MPHOSPH10: variants seen among roughly 807,000 people sequenced by gnomAD.
MPHOSPH10 encodes M-phase phosphoprotein 10.
MPHOSPH10 carries 33 observed loss-of-function variants against 77.3 expected under a neutral mutation model. The observed-to-expected ratio is 0.43, with a 90% CI of 0.32 to 0.57. MPHOSPH10 has a LOEUF of 0.57. Among genes scored for constraint, MPHOSPH10 ranks in the 20% least tolerant of loss-of-function variants. MPHOSPH10 has a pLI of 0.07. For synonymous variants in MPHOSPH10, 245 were observed against 268.0 expected, an observed-to-expected ratio of 0.91 and a Z score of 0.84; for missense variants, 708 against 780.1, an observed-to-expected ratio of 0.91 and a Z score of 1.10.
chr2:71,145,168 T>C (rs1009984657), intron 8 of MPHOSPH10, among the ~76,000 whole-genome samples: 2 of 152,210 alleles, frequency 1.3e-5, no homozygotes, highest in East Asian at 3.9e-4. Context: ...TACCTGTCTA[T>C]TCCTTGGAGC....
At chr2:71,130,886 G>C (rs1181869312) in intron 1 of MPHOSPH10, 132 bp downstream of exon 1, 1 of 818,432 alleles carries the variant, frequency 1.2e-6, no homozygotes, top group African/African-American at 1.7e-5. Context: ...AAATTTCAGA[G>C]TTTATGCTTT....
intron 5 of MPHOSPH10, 62 bp from the exon 6 acceptor site, chr2:71,139,733 C>A: frequency 8.5e-7 from 1 of 1,180,712 alleles, no homozygotes; most frequent in Non-Finnish European, 1.2e-6. Flanking sequence ...GGTCCAAGGA[C>A]TGCACTGAAT....
rs370917892 is a variant in MPHOSPH10 at position 71,141,250 on chromosome 2, C to T, written c.1327C>T (p.Arg443Cys). The change falls in exon 7 of 11, where the codon CGT (arginine) becomes TGT (cysteine). Residue 443 changes from arginine to cysteine, a missense_variant. Arg to Cys is a radical substitution (Grantham distance 180, BLOSUM62 -3). Transcript: ENST00000244230. ...IRDQAWDDVV[R>C]KEKPKEDAYE... Reference sequence around the variant, plus strand: ...GTTTCAGGCTTGGGATGATGTAGTACGTAAAGAAAAACCTAAAGAGGATGC... The same window carrying T: ...GTTTCAGGCTTGGGATGATGTAGTATGTAAAGAAAAACCTAAAGAGGATGC... 118 of 1,522,314 alleles carry T rather than the reference C, an allele frequency of 7.8e-5. No homozygotes were observed. The highest frequency in any genetic ancestry group is 5.2e-4 in the Middle Eastern group (3 of 5,790). The allele number at this position is 1,522,314 out of a possible 1,614,324, so 94.3% of individuals were successfully genotyped here.
intron 7 of MPHOSPH10, among the ~76,000 whole-genome samples, chr2:71,143,646 C>T (rs1673654093): frequency 6.6e-6 from 1 of 152,162 alleles, no homozygotes; most frequent in Admixed American, 6.6e-5. Flanking sequence ...CCCCAACAAA[C>T]CCCAGTCTGC....
chr2:71,140,306 G>A (rs1673587446), intron 6 of MPHOSPH10, among the ~76,000 whole-genome samples: 1 of 152,148 alleles, frequency 6.6e-6, no homozygotes, highest in Non-Finnish European at 1.5e-5. Context: ...CAAGGTCGAG[G>A]GGCCTTCTTA....
In MPHOSPH10 at chr2:71,149,427, A is replaced by C. The variant is rs1445437724; in HGVS notation, c.1870A>C (p.Lys624Gln). ...TTCGGAGAAGTTAAAACAGCTGACCAAAACTGGCAAAGCTTCCTTCATAAA... is the reference window on the plus strand; with the variant it reads ...TTCGGAGAAGTTAAAACAGCTGACCCAAACTGGCAAAGCTTCCTTCATAAA... ...VASEKLKQLT[K>Q]TGKASFIKDE... The change falls in exon 10 of 11, where the codon AAA becomes CAA. Residue 624 changes from lysine to glutamine, a missense_variant. Around this residue, in one of 3 missense-constraint regions of MPHOSPH10, gnomAD observed 263 missense variants for 320.0 expected, o/e 0.82. Coordinates refer to ENST00000244230, the MANE Select transcript of MPHOSPH10 (RefSeq NM_005791.3). The C allele has an allele frequency of 5.0e-6, 8 of 1,613,810 alleles. No homozygotes were observed. In the Admixed American group the frequency reaches 1.3e-4, roughly 27 times the overall value.
intron 4 of MPHOSPH10, among the ~76,000 whole-genome samples, chr2:71,135,559 A>T (rs1172635289): frequency 6.6e-6 from 1 of 152,004 alleles, no homozygotes; most frequent in East Asian, 1.9e-4. Context: ...AAATAAAAAA[A>T]TTTTTAAAGA....
At chr2:71,142,259 C>T (rs1163478946) in intron 7 of MPHOSPH10, among the ~76,000 whole-genome samples, 1 of 152,088 alleles carries the variant, frequency 6.6e-6, no homozygotes, top group Admixed American at 6.5e-5. Flanking sequence ...AGCAAATTGC[C>T]CTGATGCCAC....
rs116736003 is a variant in MPHOSPH10 at position 71,135,073 on chromosome 2, G to A, written c.1098+276G>A. Among the ~76,000 whole-genome samples, 3,126 of 152,278 alleles carry A rather than the reference G, an allele frequency of 0.021. 92 individuals are homozygous for A. Among genetic ancestry groups the A allele is most frequent in the African/African-American group, 0.063 (2,619 of 41,544 alleles). On this transcript the variant is annotated intron_variant, in intron 4 of 10. Coordinates refer to ENST00000244230, the MANE Select transcript of MPHOSPH10 (RefSeq NM_005791.3). ...TCCAGCTACTCTGGTGTCTGAGGTGGGAGGATCACTTGAGCCTAGGAGGTT... is the reference window on the plus strand; with the variant it reads ...TCCAGCTACTCTGGTGTCTGAGGTGAGAGGATCACTTGAGCCTAGGAGGTT...
At chr2:71,141,209 T>C (rs767737486) in intron 6 of MPHOSPH10, 23 bp from the exon 7 acceptor site, 1 of 1,365,370 alleles carries the variant, frequency 7.3e-7, no homozygotes, top group Non-Finnish European at 9.5e-7. Flanking sequence ...TTTGTTATGT[T>C]CTACCTGCAC....
In MPHOSPH10 at chr2:71,149,410, A is replaced by C. The variant is rs754740357; in HGVS notation, c.1853A>C (p.Lys618Thr). The C allele has an allele frequency of 1.2e-6, 2 of 1,614,148 alleles. No homozygotes were observed. The highest frequency in any genetic ancestry group is 1.6e-4 in the Middle Eastern group (1 of 6,062). The change falls in exon 10 of 11, where the codon AAG (lysine) becomes ACG (threonine). Residue 618 changes from lysine (K) to threonine (T), a missense_variant. Lys to Thr is a moderately conservative substitution (Grantham distance 78, BLOSUM62 -1). Coordinates refer to ENST00000244230, the MANE Select transcript of MPHOSPH10 (RefSeq NM_005791.3). ...TACAGCAAAACAGTAGCTTCGGAGA[A>C]GTTAAAACAGCTGACCAAAACTGGC... ...GKYSKTVASE[K>T]LKQLTKTGKA...
At chr2:71,147,280 A>G (rs1673733505) in intron 8 of MPHOSPH10, among the ~76,000 whole-genome samples, 3 of 152,232 alleles carry the variant, frequency 2.0e-5, no homozygotes, top group Admixed American at 6.5e-5. Context: ...ACCAAACAGC[A>G]TTAATGGTTG....
chr2:71,133,425 A>G lies in MPHOSPH10; in HGVS notation c.617A>G (p.Lys206Arg). The G allele has an allele frequency of 6.2e-7, 1 of 1,614,164 alleles. No individual in the cohort carries two copies. Among genetic ancestry groups the G allele is most frequent in the Non-Finnish European group, 8.5e-7 (1 of 1,180,008 alleles). Residue 206 changes from lysine (K) to arginine (R), a missense_variant, in exon 2 of 11, where the codon AAA (lysine) becomes AGA (arginine). Lys to Arg is a conservative substitution (Grantham distance 26). This residue lies in a region of MPHOSPH10 where 433 missense variants were observed against 432.6 expected (regional missense o/e 1.00). Transcript: ENST00000244230. ...EKSIVDDKFF[K>R]LSEMEAYLEN... ...TCCATAGTAGATGATAAATTCTTCA[A>G]ACTCTCTGAAATGGAGGCCTATTTA...
chr2:71,138,930 A>C, intron 5 of MPHOSPH10: 1 of 579,846 alleles, frequency 1.7e-6, no homozygotes, highest in Non-Finnish European at 3.1e-6. Flanking sequence ...TCTACTCGGA[A>C]GGCTGAGGCA....
intron 2 of MPHOSPH10, among the ~76,000 whole-genome samples, 154 bp from the exon 3 acceptor site, chr2:71,133,794 T>C (rs1673434133): frequency 6.6e-6 from 1 of 152,202 alleles, no homozygotes; most frequent in Non-Finnish European, 1.5e-5. Context: ...CACCTAATAA[T>C]TATTTAGTTA....
intron 4 of MPHOSPH10, among the ~76,000 whole-genome samples, chr2:71,136,629 C>T (rs1187258293): frequency 6.6e-6 from 1 of 151,802 alleles, no homozygotes; most frequent in African/African-American, 2.4e-5. Context: ...CAGATTGTCC[C>T]CAGAAGATAG....
chr2:71,134,199 T>C, intron 3 of MPHOSPH10, 94 bp downstream of exon 3: 1 of 1,255,174 alleles, frequency 8.0e-7, no homozygotes, highest in Admixed American at 2.5e-5. Flanking sequence ...TCTTAGCAAG[T>C]TCTATTCTCT....
intron 7 of MPHOSPH10, among the ~76,000 whole-genome samples, chr2:71,142,602 G>A (rs536636648): frequency 1.3e-5 from 2 of 152,324 alleles, no homozygotes; most frequent in African/African-American, 4.8e-5. Context: ...ACTCACATTT[G>A]TGTATGTAAT....
chr2:71,141,495 A>G (rs1465700066), intron 7 of MPHOSPH10, 126 bp downstream of exon 7: 17 of 733,944 alleles, frequency 2.3e-5, no homozygotes, highest in Non-Finnish European at 2.8e-5. Flanking sequence ...TGTAAGTATG[A>G]GACAGAGCAT....
Sources: allele counts gnomAD v4.1 joint callset (sites outside exome capture counted in the v4.1 genomes callset), GRCh38; gene constraint gnomAD v4.1.1; regional missense constraint gnomAD v4.1.1; transcripts MANE v1.5; gene names NCBI Gene and HGNC (gene_info 2026-07-23, HGNC 2026-07-21).